Variants in SYN3 observed in about 807,000 individuals in gnomAD.
The protein encoded by SYN3 is synapsin-3.
In SYN3, 35 loss-of-function variants were observed where a neutral mutation model predicts 65.8. The ratio of observed to expected loss-of-function variants is 0.53; its 90% confidence interval spans 0.41 to 0.70. The LOEUF (loss-of-function observed/expected upper bound fraction) is 0.70, where lower values mean the gene tolerates loss of function less well. Among genes scored for constraint, SYN3 ranks in the 30% least tolerant of loss-of-function variants. The pLI is 0.00. For missense variants in SYN3, 680 were observed against 749.0 expected (o/e 0.91, Z 1.08); for synonymous variants, 270 against 292.9 (o/e 0.92, Z 0.80).
At chr22:32,899,736 C>T (rs1007515331) in intron 4 of SYN3, among the ~76,000 whole-genome samples, 21 of 152,330 alleles carry the variant, frequency 1.4e-4, no homozygotes, top group African/African-American at 4.8e-4. Flanking sequence ...CTGAACAAGT[C>T]AATTTCCCTC....
At chr22:32,817,374 G>C (rs2047115485) in intron 6 of SYN3, among the ~76,000 whole-genome samples, 1 of 152,186 alleles carries the variant, frequency 6.6e-6, no homozygotes, top group Non-Finnish European at 1.5e-5. Flanking sequence ...ATCTAGCCAA[G>C]GAACTAATTT....
At chr22:32,623,568 C>T (rs1477746560) in intron 6 of SYN3, among the ~76,000 whole-genome samples, 1 of 152,234 alleles carries the variant, frequency 6.6e-6, no homozygotes, top group Non-Finnish European at 1.5e-5. Context: ...ACCTGCCTGC[C>T]CTGCCTGGCC....
intron 6 of SYN3, among the ~76,000 whole-genome samples, chr22:32,603,061 A>G (rs1310917999): frequency 6.6e-6 from 1 of 151,942 alleles, no homozygotes; most frequent in Non-Finnish European, 1.5e-5. Context: ...CAAGAAATGA[A>G]ACCGGATGCC....
intron 4 of SYN3, among the ~76,000 whole-genome samples, chr22:32,921,493 G>A (rs2050333006): frequency 6.6e-6 from 1 of 152,124 alleles, no homozygotes; most frequent in East Asian, 1.9e-4. Flanking sequence ...GTCCACTCAC[G>A]CCAGCCTGGT....
At chr22:32,553,368 C>T (rs1464324034) in intron 7 of SYN3, among the ~76,000 whole-genome samples, 1 of 152,052 alleles carries the variant, frequency 6.6e-6, no homozygotes, top group Non-Finnish European at 1.5e-5. Context: ...AAATTATATA[C>T]AGACATGGCA....
At chr22:32,671,476 TACAC>T (rs1332319731) in intron 6 of SYN3, among the ~76,000 whole-genome samples, 21 of 151,600 alleles carry the variant, frequency 1.4e-4, no homozygotes, top group African/African-American at 4.1e-4. Context: ...CACCCACACT[TACAC>T]ACACATGCTG....
chr22:32,707,574 C>CCTGGGA (rs2060897072), intron 6 of SYN3, among the ~76,000 whole-genome samples: 1 of 152,190 alleles, frequency 6.6e-6, no homozygotes, highest in African/African-American at 2.4e-5. Flanking sequence ...ACTTTATCTT[C>CCTGGGA]CTGGGACTTG....
chr22:32,943,956 T>C (rs1319532622), intron 3 of SYN3, among the ~76,000 whole-genome samples: 1 of 152,164 alleles, frequency 6.6e-6, no homozygotes, highest in African/African-American at 2.4e-5. Context: ...AGCAAGTCCT[T>C]AGAGACTTAA....
At chr22:32,909,756 T>C (rs1288286726) in intron 4 of SYN3, among the ~76,000 whole-genome samples, 1 of 151,940 alleles carries the variant, frequency 6.6e-6, no homozygotes, top group African/African-American at 2.4e-5. Flanking sequence ...GTCAGCCTTC[T>C]CTCCTCTTTG....
chr22:32,825,699 A>ATG (rs955742619), intron 6 of SYN3, among the ~76,000 whole-genome samples: 1 of 111,352 alleles, frequency 9.0e-6, no homozygotes, highest in Admixed American at 1.2e-4. Context: ...AAAAAAAAAG[A>ATG]TGTGTGTATG....
intron 5 of SYN3, among the ~76,000 whole-genome samples, chr22:32,868,021 G>T (rs142113452): frequency 3.1e-3 from 466 of 152,318 alleles, no homozygotes; most frequent in African/African-American, 0.01. Context: ...CTTAAATTGT[G>T]GCCTCACCAC....
intron 6 of SYN3, among the ~76,000 whole-genome samples, chr22:32,851,500 G>A (rs945550110): frequency 2.6e-5 from 4 of 152,084 alleles, no homozygotes; most frequent in African/African-American, 9.7e-5. Context: ...CCAGGCTGGT[G>A]GGCTTAGAAG....
At position 32,812,667 on chromosome 22, in the gene SYN3, T is replaced by A. The variant is rs1258622002; in HGVS notation, c.711+52248A>T. 2.2e-4 allele frequency among the ~76,000 whole-genome samples: 34 copies of A among 152,166 alleles called. 1 individual carries two copies. Among genetic ancestry groups the A allele is most frequent in the Non-Finnish European group, 1.5e-4 (10 of 68,038 alleles). ...TGTGGTTCATGGCTCGGCTCAAACA[T>A]TTTCTGTTGCTGAGAGGACTTCTCT... On this transcript the variant is annotated intron_variant, in intron 6 of 13. Transcript: ENST00000358763.
rs1036344901 is a variant in SYN3 at position 32,666,327 on chromosome 22, CCCAAA to C, written c.712-69596_712-69592del. ...TTTCTCATCTTACTCTAAAGAATAA[CCCAAA>C]CCAAACAATCCAAACAAGCCACAGA... On this transcript the variant is annotated intron_variant, in intron 6 of 13. Coordinates refer to ENST00000358763, the MANE Select transcript of SYN3 (RefSeq NM_003490.4). Among the ~76,000 whole-genome samples, 545 of 151,096 alleles carry C rather than the reference CCCAAA, an allele frequency of 3.6e-3. 5 individuals are homozygous for C. Among genetic ancestry groups the C allele is most frequent in the African/African-American group, 0.012 (498 of 41,066 alleles).
At chr22:32,555,927 A>G (rs1212885341) in intron 7 of SYN3, among the ~76,000 whole-genome samples, 1 of 152,204 alleles carries the variant, frequency 6.6e-6, no homozygotes, top group Non-Finnish European at 1.5e-5. Flanking sequence ...CTCTCAAGAC[A>G]GGATTAAGTA....
At chr22:32,753,196 G>A (rs747355255) in intron 6 of SYN3, among the ~76,000 whole-genome samples, 1 of 152,140 alleles carries the variant, frequency 6.6e-6, no homozygotes, top group African/African-American at 2.4e-5. Flanking sequence ...GAGCCTGCTG[G>A]GGTCAAAGGG....
chr22:32,955,913 T>C, intron 3 of SYN3, among the ~76,000 whole-genome samples: 1 of 151,962 alleles, frequency 6.6e-6, no homozygotes. Flanking sequence ...GGATGCTTCC[T>C]GCCCTCTAAC....
At chr22:33,010,232 CA>C (rs34426068) in intron 1 of SYN3, among the ~76,000 whole-genome samples, 463 of 137,464 alleles carry the variant, frequency 3.4e-3, no homozygotes, top group Middle Eastern at 0.011. Flanking sequence ...AACTCTGTCC[CA>C]AAAAAAAAAA....
intron 7 of SYN3, among the ~76,000 whole-genome samples, chr22:32,569,799 CT>C: frequency 6.6e-6 from 1 of 152,216 alleles, no homozygotes; most frequent in African/African-American, 2.4e-5. Flanking sequence ...ATAGTACCTG[CT>C]TCACAGAGTT....
Sources: allele counts gnomAD v4.1 joint callset (sites outside exome capture counted in the v4.1 genomes callset), GRCh38; gene constraint gnomAD v4.1.1; transcripts MANE v1.5; gene names NCBI Gene and HGNC (gene_info 2026-07-23, HGNC 2026-07-21).